Variants in FBXO36 observed in about 807,000 individuals in gnomAD.
FBXO36 encodes the protein F-box protein 36, also known as F-box only protein 36.
In FBXO36, 18 loss-of-function variants were observed where a neutral mutation model predicts 17.0. The ratio of observed to expected loss-of-function variants is 1.06; its 90% CI spans 0.73 to 1.57. The LOEUF (loss-of-function observed/expected upper bound fraction) is 1.57. Ranked by LOEUF, FBXO36 falls within the 40% of genes most tolerant of loss-of-function variation. The probability of loss-of-function intolerance (pLI) is 0.00; values close to 1 mark genes in which losing one functional copy is unlikely to be tolerated. For missense variants in FBXO36, 229 were observed against 221.9 expected (o/e 1.03, Z -0.20); for synonymous variants, 83 against 85.3 (o/e 0.97, Z 0.15).
rs542834822 is a variant in FBXO36 at position 229,969,514 on chromosome 2, C to G, written c.97-6727C>G. ...CCATCCTGGCTAACGCGGTGAAACC[C>G]TGTCTCTACTAAAAATACAAAAAAT... On this transcript the variant is annotated intron_variant, in intron 1 of 3. Coordinates refer to ENST00000283946, the MANE Select transcript of FBXO36 (RefSeq NM_174899.5). Among the ~76,000 whole-genome samples the G allele has an allele frequency of 5.3e-5, 8 of 152,258 alleles. No homozygotes were observed. In the East Asian group the frequency reaches 1.5e-3, roughly 29 times the overall value.
At chr2:229,994,154 T>G (rs1044590988) in intron 2 of FBXO36, among the ~76,000 whole-genome samples, 1 of 152,206 alleles carries the variant, frequency 6.6e-6, no homozygotes, top group Non-Finnish European at 1.5e-5. Context: ...TCTTGTCATT[T>G]TAAAGTATTC....
chr2:229,934,362 C>T (rs1310826084), intron 1 of FBXO36, among the ~76,000 whole-genome samples: 2 of 152,144 alleles, frequency 1.3e-5, no homozygotes, highest in African/African-American at 2.4e-5. Context: ...GATCGCACCA[C>T]TGCACTCCAG....
At position 230,011,046 on chromosome 2, in the gene FBXO36, C is replaced by A; in HGVS notation, c.*162C>A. ...TGCACACAAATGCAGCAGAGTCTGG[C>A]TCCCCAGTGCCTTGCTAGAGTCACC... On this transcript the variant is annotated 3_prime_UTR_variant, in exon 4 of 4. Coordinates refer to ENST00000283946, the MANE Select transcript of FBXO36 (RefSeq NM_174899.5). 2.7e-6 allele frequency: 2 copies of A among 735,768 alleles called. No homozygotes were observed. Among genetic ancestry groups the A allele is most frequent in the Non-Finnish European group, 4.3e-6 (2 of 467,756 alleles). 45.6% of individuals were successfully genotyped at this position (735,768 alleles called of 1,614,324 possible).
intron 2 of FBXO36, among the ~76,000 whole-genome samples, chr2:229,977,470 G>A (rs1014918440): frequency 6.6e-6 from 1 of 151,656 alleles, no homozygotes; most frequent in African/African-American, 2.4e-5. Context: ...TTTTTTTTGA[G>A]ATGGAGTTTT....
intron 1 of FBXO36, among the ~76,000 whole-genome samples, chr2:229,956,113 G>T (rs1254685733): frequency 6.6e-6 from 1 of 152,112 alleles, no homozygotes; most frequent in African/African-American, 2.4e-5. Context: ...TATCATTTTG[G>T]GAGCTGTATT....
intron 1 of FBXO36, among the ~76,000 whole-genome samples, chr2:229,955,522 A>C (rs1216537078): frequency 6.6e-6 from 1 of 152,042 alleles, no homozygotes; most frequent in African/African-American, 2.4e-5. Context: ...TCTCAGAAAA[A>C]AAAAAAAGAG....
intron 1 of FBXO36, among the ~76,000 whole-genome samples, chr2:229,942,237 T>TCCCCCACG (rs2077003274): frequency 6.6e-6 from 1 of 151,926 alleles, no homozygotes; most frequent in Admixed American, 6.6e-5. Flanking sequence ...GCAGCGTCCT[T>TCCCCCACG]CCCCCACGCA....
chr2:229,985,605 G>A (rs2077264363), intron 2 of FBXO36, among the ~76,000 whole-genome samples: 1 of 152,286 alleles, frequency 6.6e-6, no homozygotes, highest in Admixed American at 6.5e-5. Flanking sequence ...GGAGAGTGCA[G>A]GAGGTAGGAG....
chr2:229,989,155 T>G (rs568416679), intron 2 of FBXO36, among the ~76,000 whole-genome samples: 52 of 152,334 alleles, frequency 3.4e-4, no homozygotes, highest in African/African-American at 1.2e-3. Context: ...CTGATCTTTT[T>G]TCAGTAGGAT....
At chr2:229,973,772 C>T (rs1255910375) in intron 1 of FBXO36, among the ~76,000 whole-genome samples, 1 of 149,658 alleles carries the variant, frequency 6.7e-6, no homozygotes, top group Non-Finnish European at 1.5e-5. Context: ...TTCGGCTGGG[C>T]ACAGTGGCTC....
chr2:229,993,759 C>CTTTATTTA (rs144401075), intron 2 of FBXO36, among the ~76,000 whole-genome samples: 1 of 151,596 alleles, frequency 6.6e-6, no homozygotes, highest in African/African-American at 2.4e-5. Context: ...AACTTTTACA[C>CTTTATTTA]TTTATTTATT....
intron 1 of FBXO36, chr2:229,932,981 C>A (rs951076560): frequency 9.9e-5 from 18 of 182,124 alleles, no homozygotes; most frequent in Non-Finnish European, 1.8e-4. Flanking sequence ...GTAGAAGAAT[C>A]GCTTGAAACC....
intron 2 of FBXO36, among the ~76,000 whole-genome samples, chr2:229,988,782 C>A (rs2077282271): frequency 6.6e-6 from 1 of 151,280 alleles, no homozygotes; most frequent in Non-Finnish European, 1.5e-5. Context: ...GTGACCTCAG[C>A]CTCCCAAAGT....
intron 1 of FBXO36, among the ~76,000 whole-genome samples, chr2:229,952,375 A>G (rs2077061735): frequency 6.6e-6 from 1 of 152,224 alleles, no homozygotes; most frequent in African/African-American, 2.4e-5. Context: ...TAAGACACAG[A>G]TAATAGAATG....
chr2:229,938,216 CTTTTTTT>C (rs71049603), intron 1 of FBXO36, among the ~76,000 whole-genome samples: 1 of 73,250 alleles, frequency 1.4e-5, no homozygotes, highest in Non-Finnish European at 2.4e-5. Context: ...ATACAACTTT[CTTTTTTT>C]TTTTTTTTTT....
intron 1 of FBXO36, among the ~76,000 whole-genome samples, chr2:229,937,110 C>T (rs779510127): frequency 1.3e-5 from 2 of 152,078 alleles, no homozygotes; most frequent in African/African-American, 4.8e-5. Flanking sequence ...GAAAACAATG[C>T]TAATTAAACT....
At position 229,996,888 on chromosome 2, in the gene FBXO36, G is replaced by T. The variant is rs2077330490; in HGVS notation, c.343G>T (p.Ala115Ser). ...TTCTTATCTGGATCTTGAAGATATT[G>T]CCAGGCTTTGTCAAACATCACACAG... Reference protein sequence around the residue: ...IISYLDLEDIARLCQTSHRFA... With the variant: ...IISYLDLEDISRLCQTSHRFA... The change falls in exon 3 of 4, where the codon GCC becomes TCC. Residue 115 changes from alanine (A) to serine (S), a missense_variant. Coordinates refer to ENST00000283946, the MANE Select transcript of FBXO36 (RefSeq NM_174899.5). 5 of 1,613,748 alleles carry T rather than the reference G, an allele frequency of 3.1e-6. No individual in the cohort carries two copies. The highest frequency in any genetic ancestry group is 3.3e-5 in the Admixed American group (2 of 59,972).
At chr2:229,995,669 C>G (rs1418785116) in intron 2 of FBXO36, among the ~76,000 whole-genome samples, 2 of 148,306 alleles carry the variant, frequency 1.3e-5, no homozygotes, top group East Asian at 2.0e-4. Flanking sequence ...CTCAGCTCAC[C>G]GCAACCTCCG....
intron 1 of FBXO36, among the ~76,000 whole-genome samples, chr2:229,954,763 G>A (rs1270139690): frequency 1.3e-5 from 2 of 149,476 alleles, no homozygotes; most frequent in Admixed American, 6.7e-5. Context: ...TAGCCAGGAT[G>A]GACTCAATCT....
Sources: gnomAD v4.1 joint callset for allele counts (sites outside exome capture counted in the v4.1 genomes callset) on GRCh38, gnomAD v4.1.1 for gene constraint, MANE v1.5 for transcripts, NCBI Gene and HGNC (gene_info 2026-07-23, HGNC 2026-07-21) for gene names.